Variants in MICOS10 observed in about 807,000 individuals in gnomAD.
MICOS10 encodes the protein MICOS complex subunit MIC10.
A neutral mutation model predicts 13.4 loss-of-function variants in MICOS10; 5 were observed. That is an observed-to-expected ratio of 0.37 (90% CI 0.20 to 0.78). MICOS10 has a LOEUF of 0.78. MICOS10 is among the 30% of genes least tolerant of loss of function. The probability of loss-of-function intolerance (pLI) is 0.47; values close to 1 mark genes in which losing one functional copy is unlikely to be tolerated. For synonymous variants in MICOS10, 35 were observed against 33.6 expected, an observed-to-expected ratio of 1.04 and a Z score of -0.15; for missense variants, 101 against 94.6, an observed-to-expected ratio of 1.07 and a Z score of -0.28.
At chr1:19,618,489 T>C (rs1277567803) in intron 1 of MICOS10, among the ~76,000 whole-genome samples, 1 of 152,136 alleles carries the variant, frequency 6.6e-6, no homozygotes, top group African/African-American at 2.4e-5. Context: ...CAGAACTTAC[T>C]ACCACTTAGT....
chr1:19,629,215 G>A lies in MICOS10; in HGVS notation c.*2814G>A, dbSNP rs1301715258. ...CCTCTGGGGCCCTGTTCCCTTGTGG[G>A]CTTGTGCAACTGACTTTGTTTCTTG... On this transcript the variant is annotated 3_prime_UTR_variant, in exon 4 of 4. Transcript: ENST00000322753. 6.6e-6 allele frequency: 1 copy of A among 152,202 alleles called. No homozygotes were observed. The highest frequency in any genetic ancestry group is 2.4e-5 in the African/African-American group (1 of 41,430). The allele number at this position is 152,202 out of a possible 1,614,324, so 9.4% of individuals were successfully genotyped here.
At chr1:19,626,065 TGTAGTTC>T (rs1318358883) in intron 3 of MICOS10, among the ~76,000 whole-genome samples, 1 of 152,172 alleles carries the variant, frequency 6.6e-6, no homozygotes, top group Non-Finnish European at 1.5e-5. Flanking sequence ...GGCAAGGCCA[TGTAGTTC>T]GTAGGCTGAT....
intron 1 of MICOS10, among the ~76,000 whole-genome samples, chr1:19,603,829 C>T (rs535487079): frequency 6.6e-6 from 1 of 152,140 alleles, no homozygotes; most frequent in East Asian, 1.9e-4. Context: ...AGAGGGCTGG[C>T]TGGGATGAAG....
intron 1 of MICOS10, among the ~76,000 whole-genome samples, chr1:19,613,982 C>G (rs148378170): frequency 1.2e-4 from 19 of 152,162 alleles, no homozygotes; most frequent in African/African-American, 4.6e-4. Context: ...AAATTTAATC[C>G]TTGAGCATAA....
intron 1 of MICOS10, among the ~76,000 whole-genome samples, chr1:19,602,577 G>A (rs1037997269): frequency 2.0e-4 from 31 of 152,246 alleles, no homozygotes; most frequent in Admixed American, 1.2e-3. Context: ...TTAAAAAGGA[G>A]TGAAGAATAT....
intron 1 of MICOS10, among the ~76,000 whole-genome samples, chr1:19,612,404 G>A (rs2094866959): frequency 6.6e-6 from 1 of 151,612 alleles, no homozygotes; most frequent in Non-Finnish European, 1.5e-5. Flanking sequence ...TTTTTTATGG[G>A]GCTTGGTAGA....
intron 1 of MICOS10, among the ~76,000 whole-genome samples, chr1:19,620,909 C>T (rs980583933): frequency 6.6e-6 from 1 of 152,138 alleles, no homozygotes; most frequent in African/African-American, 2.4e-5. Context: ...AAATATTTTC[C>T]TTTGGGGCTT....
intron 1 of MICOS10, among the ~76,000 whole-genome samples, chr1:19,609,823 A>C (rs1438370824): frequency 6.6e-6 from 1 of 152,166 alleles, no homozygotes; most frequent in African/African-American, 2.4e-5. Flanking sequence ...GAAAGGGGGG[A>C]AAAACAGAAT....
Position 19,627,058 on chromosome 1 carries a change from C to T in MICOS10, c.*657C>T, listed in dbSNP as rs1407486146. Reference sequence around the variant, plus strand: ...TTCATAGAGCTTGAGACAGTCCAAGCTTCAGCTCTGGAGGGCGGAGGAAAG... The same window carrying T: ...TTCATAGAGCTTGAGACAGTCCAAGTTTCAGCTCTGGAGGGCGGAGGAAAG... On this transcript the variant is annotated 3_prime_UTR_variant, in exon 4 of 4. Transcript: ENST00000322753. 6.6e-6 allele frequency: 1 copy of T among 152,462 alleles called. No individual in the cohort carries two copies. The highest frequency in any genetic ancestry group is 6.5e-5 in the Admixed American group (1 of 15,314). The allele number at this position is 152,462 out of a possible 1,614,324, so 9.4% of individuals were successfully genotyped here. A position where few individuals can be genotyped will look rare whatever the true frequency, so the allele number is the denominator to read the frequency against.
intron 1 of MICOS10, chr1:19,608,178 C>T (rs1263559077): frequency 7.5e-7 from 1 of 1,341,676 alleles, no homozygotes; most frequent in Non-Finnish European, 1.1e-6. Flanking sequence ...CCTCAGGTGG[C>T]TGAAGGGGAG....
Position 19,626,707 on chromosome 1 carries a change from T to C in MICOS10, c.*306T>C. ...ACTGTGTGTGAACTGCCAGCAGCTGTAGCCACCTGCTCACAGCCTCTCTGA... is the reference window on the plus strand; with the variant it reads ...ACTGTGTGTGAACTGCCAGCAGCTGCAGCCACCTGCTCACAGCCTCTCTGA... On this transcript the variant is annotated 3_prime_UTR_variant, in exon 4 of 4. Coordinates refer to ENST00000322753, the MANE Select transcript of MICOS10 (RefSeq NM_001032363.4). 1 of 339,314 alleles carries C rather than the reference T, an allele frequency of 2.9e-6. No individual in the cohort carries two copies. The highest frequency in any genetic ancestry group is 5.6e-6 in the Non-Finnish European group (1 of 177,210). The allele number at this position is 339,314 out of a possible 1,614,324, so 21.0% of individuals were successfully genotyped here. A position where few individuals can be genotyped will look rare whatever the true frequency, so the allele number is the denominator to read the frequency against.
At chr1:19,618,695 A>G (rs1770489) in intron 1 of MICOS10, among the ~76,000 whole-genome samples, 50,643 of 152,038 alleles carry the variant, frequency 0.33, 11,407 homozygotes, top group African/African-American at 0.65. Context: ...CAGTGCTCTA[A>G]CCACTCACTC....
intron 1 of MICOS10, among the ~76,000 whole-genome samples, chr1:19,620,698 A>G (rs1242593144): frequency 6.6e-6 from 1 of 152,174 alleles, no homozygotes. Flanking sequence ...ATATATCTGA[A>G]TTCTAGAGAT....
chr1:19,618,283 T>C (rs1558345760), intron 1 of MICOS10, among the ~76,000 whole-genome samples: 1 of 150,566 alleles, frequency 6.6e-6, no homozygotes, highest in Non-Finnish European at 1.5e-5. Flanking sequence ...TTTTTATTTA[T>C]TTATTATTAT....
intron 1 of MICOS10, chr1:19,601,148 C>A: frequency 2.1e-6 from 1 of 486,146 alleles, no homozygotes; most frequent in Non-Finnish European, 3.4e-6. Context: ...GGCAGTGGTC[C>A]TTTAAAAAAG....
chr1:19,610,475 C>T (rs72959455), intron 1 of MICOS10, among the ~76,000 whole-genome samples: 3,004 of 143,286 alleles, frequency 0.021, 109 homozygotes, highest in African/African-American at 0.072. Flanking sequence ...GCCTCCTGGG[C>T]TCAAGCGATC....
chr1:19,616,332 G>A (rs2094884469), intron 1 of MICOS10, among the ~76,000 whole-genome samples: 2 of 152,204 alleles, frequency 1.3e-5, no homozygotes, highest in South Asian at 2.1e-4. Context: ...TCACAAGGAT[G>A]AGAATCCAGT....
intron 1 of MICOS10, chr1:19,600,827 C>T (rs1395242607): frequency 8.6e-7 from 1 of 1,169,546 alleles, no homozygotes; most frequent in Non-Finnish European, 1.1e-6. Context: ...GTCTTGAACT[C>T]AGGGTCCAAA....
At chr1:19,623,029 C>T (rs1183968134) in intron 2 of MICOS10, among the ~76,000 whole-genome samples, 1 of 150,144 alleles carries the variant, frequency 6.7e-6, no homozygotes, top group Non-Finnish European at 1.5e-5. Flanking sequence ...TCAAGCGATT[C>T]CCCTGCCTCA....
Sources: gnomAD v4.1 joint callset for allele counts (sites outside exome capture counted in the v4.1 genomes callset) on GRCh38, gnomAD v4.1.1 for gene constraint, MANE v1.5 for transcripts, NCBI Gene and HGNC (gene_info 2026-07-23, HGNC 2026-07-21) for gene names.